Variants in RFX8 observed in about 807,000 individuals in gnomAD.
RFX8 encodes DNA-binding protein RFX8.
Under a neutral mutation model 54.6 loss-of-function variants are expected in RFX8, and 46 were observed. The ratio of observed to expected loss-of-function variants is 0.84; its 90% CI spans 0.67 to 1.08. The LOEUF (loss-of-function observed/expected upper bound fraction) is 1.08. Among genes scored for constraint, RFX8 ranks in the 50% least tolerant of loss-of-function variants. The pLI, the probability that RFX8 is intolerant of heterozygous loss-of-function variation, is 0.00. For missense variants in RFX8, 536 were observed against 562.3 expected (o/e 0.95, Z 0.47); for synonymous variants, 192 against 209.5 (o/e 0.92, Z 0.72).
chr2:101,439,835 C>T (rs781617823), intron 2 of RFX8, among the ~76,000 whole-genome samples: 2 of 152,030 alleles, frequency 1.3e-5, no homozygotes, highest in Admixed American at 6.6e-5. Context: ...GTCGGCCTCC[C>T]GACATGCTAG....
At chr2:101,462,528 A>T (rs1355831175) in intron 2 of RFX8, among the ~76,000 whole-genome samples, 2 of 152,206 alleles carry the variant, frequency 1.3e-5, no homozygotes, top group South Asian at 2.1e-4. Flanking sequence ...TAATGTAAAA[A>T]TGTTTATGAT....
chr2:101,397,732 A>T lies in RFX8; in HGVS notation c.1246-8T>A, dbSNP rs1002845472. ...CAACAGCACCTGGATGAGCTGCAAG[A>T]GGGAAATGTTTTAAGGGAAAAGATA... is the stretch of plus-strand genomic sequence containing the variant. On this transcript the variant is annotated splice_region_variant and splice_polypyrimidine_tract_variant and intron_variant, in intron 11 of 11. Coordinates refer to ENST00000428343, the MANE Select transcript of RFX8 (RefSeq NM_001145664.2). The T allele has an allele frequency of 1.2e-5, 19 of 1,542,878 alleles. No homozygotes were observed. Among genetic ancestry groups the T allele is most frequent in the Non-Finnish European group, 1.6e-5 (18 of 1,144,160 alleles).
intron 1 of RFX8, chr2:101,474,166 C>T (rs941063431): frequency 9.6e-6 from 6 of 622,354 alleles, no homozygotes; most frequent in African/African-American, 3.9e-5. Context: ...GGCCCCACCT[C>T]CTCCATCCCA....
intron 2 of RFX8, among the ~76,000 whole-genome samples, chr2:101,439,665 T>C (rs908915290): frequency 1.4e-4 from 21 of 151,402 alleles, no homozygotes; most frequent in South Asian, 4.2e-4. Context: ...GCCCCTTTCA[T>C]GGAATTAATT....
intron 2 of RFX8, among the ~76,000 whole-genome samples, chr2:101,433,932 A>AAT (rs1687632686): frequency 6.6e-6 from 1 of 152,188 alleles, no homozygotes; most frequent in Non-Finnish European, 1.5e-5. Flanking sequence ...TAAAATAGTA[A>AAT]ATATATATAT....
chr2:101,474,492 A>G (rs572630033), intron 1 of RFX8, 144 bp downstream of exon 1: 2 of 340,138 alleles, frequency 5.9e-6, no homozygotes, highest in Non-Finnish European at 5.3e-6. Flanking sequence ...CAGCTCCCCA[A>G]CCCCCGCGCC....
intron 1 of RFX8, among the ~76,000 whole-genome samples, chr2:101,469,109 T>TATACAC: frequency 3.8e-5 from 1 of 26,050 alleles, no homozygotes; most frequent in East Asian, 8.4e-4. Context: ...TATATATAAG[T>TATACAC]GTATATATAT....
intron 2 of RFX8, among the ~76,000 whole-genome samples, chr2:101,427,363 A>C (rs78672074): frequency 6.6e-6 from 1 of 152,156 alleles, no homozygotes; most frequent in East Asian, 1.9e-4. Flanking sequence ...TCCCAGCTGC[A>C]GGGAGCCAGA....
At chr2:101,446,660 CTG>C (rs1688398893) in intron 2 of RFX8, among the ~76,000 whole-genome samples, 2 of 152,166 alleles carry the variant, frequency 1.3e-5, no homozygotes, top group Non-Finnish European at 2.9e-5. Flanking sequence ...GCCCCTCTCT[CTG>C]TGACATCGGA....
At chr2:101,464,759 C>T (rs1442987067) in intron 2 of RFX8, among the ~76,000 whole-genome samples, 1 of 152,154 alleles carries the variant, frequency 6.6e-6, no homozygotes, top group East Asian at 1.9e-4. Flanking sequence ...ACACTGGAGT[C>T]TCTTTAACTT....
chr2:101,402,488 T>A lies in RFX8; in HGVS notation c.1193A>T (p.Asn398Ile). The A allele has an allele frequency of 1.9e-6, 3 of 1,551,752 alleles. No individual in the cohort carries two copies. Among genetic ancestry groups the A allele is most frequent in the Non-Finnish European group, 2.6e-6 (3 of 1,146,998 alleles). The change falls in exon 11 of 12, where the codon AAC (asparagine) becomes ATC (isoleucine). Residue 398 changes from asparagine (N) to isoleucine (I), a missense_variant. Transcript: ENST00000428343. ...GQGRYPVGVS[N>I]MVLRILGFLV... The stretch of plus-strand genomic sequence containing the variant: ...GAAGCCCAGGATCCTGAGGACCATG[T>A]TGCTCACACCCACGGGATATCGGCC...
At chr2:101,413,435 G>A (rs550871533) in intron 7 of RFX8, among the ~76,000 whole-genome samples, 5 of 152,252 alleles carry the variant, frequency 3.3e-5, no homozygotes, top group East Asian at 1.9e-4. Flanking sequence ...CTGAGGGAGC[G>A]GCTGCGGGAT....
chr2:101,455,820 T>G (rs1211358545), intron 2 of RFX8, among the ~76,000 whole-genome samples: 2 of 152,254 alleles, frequency 1.3e-5, no homozygotes, highest in African/African-American at 4.8e-5. Context: ...ATGGCCATTT[T>G]CACGATATTG....
Position 101,397,506 on chromosome 2 carries a change from C to G in RFX8, c.*42G>C, listed in dbSNP as rs1196556457. On this transcript the variant is annotated 3_prime_UTR_variant, in exon 12 of 12. Transcript: ENST00000428343. Reference sequence around the variant, plus strand: ...TTAGTATTTAATATTTTTAAGAATGCAAGTCTATCAGTTTTCTTATTCTCT... The same window carrying G: ...TTAGTATTTAATATTTTTAAGAATGGAAGTCTATCAGTTTTCTTATTCTCT... 7.6e-7 allele frequency: 1 copy of G among 1,322,888 alleles called. No homozygotes were observed. Among genetic ancestry groups the G allele is most frequent in the East Asian group, 2.6e-5 (1 of 39,030 alleles). The allele number at this position is 1,322,888 out of a possible 1,614,324, so 81.9% of individuals were successfully genotyped here.
intron 7 of RFX8, 50 bp downstream of exon 7, chr2:101,414,804 C>T: frequency 7.2e-7 from 1 of 1,391,336 alleles, no homozygotes; most frequent in East Asian, 2.5e-5. Flanking sequence ...GCTTTCACCT[C>T]TTTTCAGGAA....
chr2:101,448,897 C>T (rs764888476), intron 2 of RFX8, among the ~76,000 whole-genome samples: 1 of 152,162 alleles, frequency 6.6e-6, no homozygotes, highest in Non-Finnish European at 1.5e-5. Flanking sequence ...AAAGAAGGCT[C>T]AAAGAGCAGG....
intron 2 of RFX8, among the ~76,000 whole-genome samples, chr2:101,460,545 G>T (rs1689209785): frequency 6.6e-6 from 1 of 151,950 alleles, no homozygotes; most frequent in African/African-American, 2.4e-5. Context: ...AATCAGCGAG[G>T]TTCATGACAA....
At chr2:101,410,335 C>T (rs1686041531) in intron 9 of RFX8, among the ~76,000 whole-genome samples, 1 of 151,756 alleles carries the variant, frequency 6.6e-6, no homozygotes, top group South Asian at 2.1e-4. Flanking sequence ...CACACATGCT[C>T]ATCACAGGCT....
At chr2:101,420,596 T>C (rs530081483) in intron 4 of RFX8, among the ~76,000 whole-genome samples, 2 of 152,102 alleles carry the variant, frequency 1.3e-5, no homozygotes, top group South Asian at 4.2e-4. Context: ...AATAATAAAA[T>C]ATAGTCATAG....
Sources: gnomAD v4.1 joint callset for allele counts (sites outside exome capture counted in the v4.1 genomes callset) on GRCh38, gnomAD v4.1.1 for gene constraint, MANE v1.5 for transcripts, NCBI Gene and HGNC (gene_info 2026-07-23, HGNC 2026-07-21) for gene names.